Variants in SEMA5A observed in about 807,000 individuals in gnomAD.
The protein encoded by SEMA5A is semaphorin-5A.
Under a neutral mutation model 135.5 loss-of-function variants are expected in SEMA5A, and 55 were observed. The ratio of observed to expected loss-of-function variants is 0.41; its 90% CI spans 0.33 to 0.51. SEMA5A has a LOEUF of 0.51. SEMA5A is among the 20% of genes least tolerant of loss of function. SEMA5A has a pLI of 0.37. For missense variants in SEMA5A, 1,290 were observed against 1,419.9 expected (o/e 0.91, Z 1.47); for synonymous variants, 580 against 546.5 (o/e 1.06, Z -0.85).
chr5:9,087,001 T>G (rs1579367766), intron 16 of SEMA5A, among the ~76,000 whole-genome samples: 2 of 152,186 alleles, frequency 1.3e-5, no homozygotes, highest in South Asian at 2.1e-4. Context: ...GCTTTCTCTG[T>G]GCCCACTTCT....
At chr5:9,076,163 C>A (rs938304105) in intron 16 of SEMA5A, among the ~76,000 whole-genome samples, 3 of 144,430 alleles carry the variant, frequency 2.1e-5, no homozygotes, top group South Asian at 2.2e-4. Flanking sequence ...CGAGATCGCA[C>A]CACTGCACTC....
rs577884540 is a variant in SEMA5A, at chr5:9,388,280, T to G, written c.-77-8257A>C. ...CCTTCAAAGGGAATTGTTATTATAC[T>G]TTTGTCTTCTTCCCCTTGTTTAGCT... On this transcript the variant is annotated intron_variant, in intron 2 of 22. Coordinates refer to ENST00000382496, the MANE Select transcript of SEMA5A (RefSeq NM_003966.3). Among the ~76,000 whole-genome samples, 4 of 152,322 alleles carry G rather than the reference T, an allele frequency of 2.6e-5. No individual in the cohort carries two copies. In the South Asian group the frequency reaches 8.3e-4, roughly 32 times the overall value.
chr5:9,530,640 T>C (rs2126325028), intron 1 of SEMA5A, among the ~76,000 whole-genome samples: 1 of 152,322 alleles, frequency 6.6e-6, no homozygotes, highest in Non-Finnish European at 1.5e-5. Flanking sequence ...TTAATTGCAT[T>C]TGCCCACATC....
intron 1 of SEMA5A, among the ~76,000 whole-genome samples, chr5:9,530,170 T>C (rs1438190139): frequency 6.6e-6 from 1 of 152,182 alleles, no homozygotes. Flanking sequence ...TTTCCACAGA[T>C]ACGTTCCACA....
At chr5:9,351,892 C>A (rs1318969911) in intron 3 of SEMA5A, among the ~76,000 whole-genome samples, 1 of 152,164 alleles carries the variant, frequency 6.6e-6, no homozygotes, top group Non-Finnish European at 1.5e-5. Flanking sequence ...GTCTAGAGAC[C>A]AAGGCACTCT....
chr5:9,226,836 T>G (rs533870608), intron 7 of SEMA5A, 33 bp downstream of exon 7: 2 of 1,539,766 alleles, frequency 1.3e-6, no homozygotes, highest in Admixed American at 1.7e-5. Context: ...CTTCTGATAT[T>G]AAATTCTTTT....
intron 1 of SEMA5A, among the ~76,000 whole-genome samples, chr5:9,498,101 G>C (rs999698838): frequency 6.6e-6 from 1 of 152,182 alleles, no homozygotes; most frequent in Non-Finnish European, 1.5e-5. Flanking sequence ...TTCTGGCTGG[G>C]AAGAGACTGC....
At chr5:9,390,149 C>T (rs931052378) in intron 2 of SEMA5A, among the ~76,000 whole-genome samples, 2 of 152,226 alleles carry the variant, frequency 1.3e-5, no homozygotes, top group African/African-American at 4.8e-5. Flanking sequence ...CTCTTAACAT[C>T]TGGTCCAAAT....
intron 8 of SEMA5A, among the ~76,000 whole-genome samples, chr5:9,216,171 T>C (rs542879375): frequency 6.6e-6 from 1 of 152,348 alleles, no homozygotes; most frequent in East Asian, 1.9e-4. Flanking sequence ...CCAGAAATTC[T>C]GGTATGTTGT....
chr5:9,043,609 T>C (rs1181051581), intron 22 of SEMA5A, among the ~76,000 whole-genome samples: 1 of 152,138 alleles, frequency 6.6e-6, no homozygotes, highest in Non-Finnish European at 1.5e-5. Flanking sequence ...AGAACATATA[T>C]ATTGAGAGGA....
intron 2 of SEMA5A, among the ~76,000 whole-genome samples, chr5:9,418,573 A>G (rs1446476827): frequency 1.3e-5 from 2 of 152,210 alleles, no homozygotes; most frequent in African/African-American, 2.4e-5. Context: ...CATTTGCTGG[A>G]AATTCCTGCC....
In SEMA5A at chr5:9,319,398, A is replaced by T. The variant is rs183775377; in HGVS notation, c.225-981T>A. 4.7e-4 allele frequency among the ~76,000 whole-genome samples: 71 copies of T among 152,302 alleles called. No homozygotes were observed. In the Middle Eastern group the frequency reaches 0.014, roughly 29 times the overall value. On this transcript the variant is annotated intron_variant, in intron 4 of 22. Coordinates refer to ENST00000382496, the MANE Select transcript of SEMA5A (RefSeq NM_003966.3). ...TAGAGAAAAGTAAAATATCAATTTC[A>T]ACAAAGAAGGGGAAGAATAGTGAAA...
chr5:9,385,746 TA>T (rs540163997), intron 2 of SEMA5A, among the ~76,000 whole-genome samples: 8 of 148,424 alleles, frequency 5.4e-5, no homozygotes, highest in Admixed American at 2.0e-4. Context: ...TGTCATAATG[TA>T]AAAAAACAAA....
chr5:9,108,347 G>A lies in SEMA5A; in HGVS notation c.1926-60C>T, dbSNP rs1179851811. On this transcript the variant is annotated intron_variant, in intron 15 of 22. Coordinates refer to ENST00000382496, the MANE Select transcript of SEMA5A (RefSeq NM_003966.3). ...ATTAGTGCCACTTGAAACCACTGAC[G>A]TTTCCATCTCCATCCCTGCACCAGA... The A allele has an allele frequency of 6.9e-6, 11 of 1,583,534 alleles. No homozygotes were observed. In the East Asian group the frequency reaches 1.8e-4, roughly 26 times the overall value.
At chr5:9,523,572 A>G (rs1382340409) in intron 1 of SEMA5A, among the ~76,000 whole-genome samples, 1 of 152,234 alleles carries the variant, frequency 6.6e-6, no homozygotes, top group African/African-American at 2.4e-5. Context: ...GGAAGGTGAC[A>G]TGACTCAGAG....
intron 1 of SEMA5A, among the ~76,000 whole-genome samples, chr5:9,497,065 A>G (rs1344599587): frequency 2.0e-5 from 3 of 152,218 alleles, no homozygotes; most frequent in African/African-American, 7.2e-5. Context: ...TGCCTTATTA[A>G]AGAGAGTATC....
At chr5:9,067,705 C>T (rs1934688417) in intron 16 of SEMA5A, among the ~76,000 whole-genome samples, 1 of 152,184 alleles carries the variant, frequency 6.6e-6, no homozygotes, top group Non-Finnish European at 1.5e-5. Flanking sequence ...ACCTTTGAAT[C>T]TACAAATTCC....
chr5:9,341,225 CAT>C (rs1370577992), intron 3 of SEMA5A, among the ~76,000 whole-genome samples: 11 of 151,402 alleles, frequency 7.3e-5, no homozygotes, highest in Admixed American at 6.6e-4. Context: ...CACACACACA[CAT>C]ACACTATATT....
At chr5:9,099,275 C>T (rs1362433970) in intron 16 of SEMA5A, among the ~76,000 whole-genome samples, 1 of 152,120 alleles carries the variant, frequency 6.6e-6, no homozygotes, top group Non-Finnish European at 1.5e-5. Context: ...CTGATATTAA[C>T]TTTCTCAAAA....
Sources: gnomAD v4.1 joint callset for allele counts (sites outside exome capture counted in the v4.1 genomes callset) on GRCh38, gnomAD v4.1.1 for gene constraint, MANE v1.5 for transcripts, NCBI Gene and HGNC (gene_info 2026-07-23, HGNC 2026-07-21) for gene names.